Variants in TSHZ3 observed in about 807,000 individuals in gnomAD.
TSHZ3 encodes teashirt homolog 3.
TSHZ3 carries 10 observed loss-of-function variants against 64.5 expected under a neutral mutation model. The ratio of observed to expected loss-of-function variants is 0.16; its 90% CI spans 0.10 to 0.26. The LOEUF (loss-of-function observed/expected upper bound fraction) is 0.26, where lower values mean the gene tolerates loss of function less well. Among genes scored for constraint, TSHZ3 ranks in the 10% least tolerant of loss-of-function variants. The probability of loss-of-function intolerance (pLI) is 1.00; values close to 1 mark genes in which losing one functional copy is unlikely to be tolerated. For missense variants in TSHZ3, 1,242 were observed against 1,421.7 expected (o/e 0.87, Z 2.03); for synonymous variants, 608 against 593.1 (o/e 1.03, Z -0.36).
At chr19:31,150,980 C>CT (rs1351883628) in exon 7 of TSHZ3, among the ~76,000 whole-genome samples, 2 of 152,168 alleles carry the variant, frequency 1.3e-5, no homozygotes, top group Non-Finnish European at 2.9e-5. Context: ...TTCTTCTTGG[C>CT]TTCTGAAGAT....
chr19:31,236,769 C>A (rs1354693736), intron 3 of TSHZ3, among the ~76,000 whole-genome samples: 1 of 152,180 alleles, frequency 6.6e-6, no homozygotes. Context: ...GCAATAAGTT[C>A]TTGGCTATGA....
At chr19:31,339,458 C>T (rs1370406218) in intron 1 of TSHZ3, among the ~76,000 whole-genome samples, 1 of 152,096 alleles carries the variant, frequency 6.6e-6, no homozygotes, top group Non-Finnish European at 1.5e-5. Context: ...GCCAAATCAG[C>T]AGAGCTCCCT....
At chr19:31,246,491 C>T (rs1401550267) in intron 1 of TSHZ3, among the ~76,000 whole-genome samples, 1 of 152,052 alleles carries the variant, frequency 6.6e-6, no homozygotes, top group Admixed American at 6.5e-5. Flanking sequence ...CCAGGTTTCT[C>T]ATTGTTGGAG....
chr19:31,181,399 G>A (rs1436451456), intron 5 of TSHZ3, among the ~76,000 whole-genome samples: 3 of 152,090 alleles, frequency 2.0e-5, no homozygotes, highest in Non-Finnish European at 4.4e-5. Context: ...ATCTGTTTTG[G>A]AAGATGTACC....
Position 31,256,107 on chromosome 19 carries a change from G to A in TSHZ3, n.64-13232C>T, listed in dbSNP as rs546449842. Among the ~76,000 whole-genome samples the A allele has an allele frequency of 5.9e-5, 9 of 152,192 alleles. No homozygotes were observed. In the South Asian group the frequency reaches 1.2e-3, roughly 21 times the overall value. On this transcript the variant is annotated intron_variant and non_coding_transcript_variant, in intron 1 of 6. Transcript: ENST00000651361. ...CTTGGTCCCCATGTTCACCCTCCCC[G>A]AGGCTCACTTTCTCCCCTTCTGTGA...
At position 31,314,866 on chromosome 19, in the gene TSHZ3, T is replaced by C. The variant is rs141907550; in HGVS notation, c.40+34314A>G. Among the ~76,000 whole-genome samples the C allele has an allele frequency of 4.6e-4, 70 of 152,318 alleles. No individual in the cohort carries two copies. In the East Asian group the frequency reaches 0.013, roughly 29 times the overall value. Reference sequence around the variant, plus strand: ...CAGCTCCAGGGGAAGGCTCAGCTCATGGCCCCTGGGAGAAGCCAGGCTCCT... The same window carrying C: ...CAGCTCCAGGGGAAGGCTCAGCTCACGGCCCCTGGGAGAAGCCAGGCTCCT... On this transcript the variant is annotated intron_variant, in intron 1 of 1. Coordinates refer to ENST00000240587, the MANE Select transcript of TSHZ3 (RefSeq NM_020856.4).
intron 1 of TSHZ3, among the ~76,000 whole-genome samples, chr19:31,324,283 C>T (rs975316510): frequency 2.0e-5 from 3 of 152,190 alleles, no homozygotes; most frequent in Non-Finnish European, 2.9e-5. Context: ...TCATTTTTAA[C>T]GTTTACAATT....
intron 6 of TSHZ3, among the ~76,000 whole-genome samples, chr19:31,151,895 A>C (rs747443827): frequency 1.3e-5 from 2 of 152,350 alleles, no homozygotes; most frequent in South Asian, 2.1e-4. Flanking sequence ...TAATGATGTA[A>C]GCTAACAATG....
chr19:31,175,028 G>A (rs1398493110), intron 5 of TSHZ3, among the ~76,000 whole-genome samples: 2 of 152,214 alleles, frequency 1.3e-5, no homozygotes, highest in Non-Finnish European at 2.9e-5. Flanking sequence ...GCGGGTCCCA[G>A]GCTGGGCTTT....
chr19:31,211,476 C>T (rs1217564418), intron 4 of TSHZ3, among the ~76,000 whole-genome samples: 3 of 152,156 alleles, frequency 2.0e-5, no homozygotes, highest in Non-Finnish European at 2.9e-5. Context: ...GGATGCATGA[C>T]TGTGGGCTCC....
At position 31,344,368 on chromosome 19, in the gene TSHZ3, C is replaced by T. The variant is rs1408303461; in HGVS notation, c.40+4812G>A. The stretch of plus-strand genomic sequence containing the variant: ...CTGGACACTAACACAGAAGGGTAGA[C>T]ACACACACCCTACTTTATTTCATTT... On this transcript the variant is annotated intron_variant, in intron 1 of 1. Coordinates refer to ENST00000240587, the MANE Select transcript of TSHZ3 (RefSeq NM_020856.4). 3.9e-5 allele frequency among the ~76,000 whole-genome samples: 6 copies of T among 152,342 alleles called. No individual in the cohort carries two copies. In the East Asian group the frequency reaches 9.6e-4, roughly 24 times the overall value.
chr19:31,268,110 G>A lies in TSHZ3; in HGVS notation n.64-25235C>T, dbSNP rs571334126. 3.9e-5 allele frequency among the ~76,000 whole-genome samples: 6 copies of A among 152,194 alleles called. No homozygotes were observed. In the East Asian group the frequency reaches 1.2e-3, roughly 30 times the overall value. ...AGATTTGATGGTTTTATAAATGGGAGTTCCCCTGCCCATGCTGTCTTGCCT... is the reference window on the plus strand; with the variant it reads ...AGATTTGATGGTTTTATAAATGGGAATTCCCCTGCCCATGCTGTCTTGCCT... On this transcript the variant is annotated intron_variant and non_coding_transcript_variant, in intron 1 of 6. Transcript: ENST00000651361.
chr19:31,228,430 G>T (rs1232524503), intron 3 of TSHZ3, among the ~76,000 whole-genome samples: 2 of 151,722 alleles, frequency 1.3e-5, no homozygotes, highest in African/African-American at 2.4e-5. Context: ...AGAGGCTGAG[G>T]GGGGAGGATC....
intron 1 of TSHZ3, among the ~76,000 whole-genome samples, chr19:31,257,443 G>A (rs1975926015): frequency 1.3e-5 from 2 of 152,242 alleles, no homozygotes; most frequent in Admixed American, 6.5e-5. Flanking sequence ...GATGAGGGAA[G>A]GAGGGGCAAA....
intron 1 of TSHZ3, among the ~76,000 whole-genome samples, chr19:31,263,071 A>G (rs1436731827): frequency 6.6e-6 from 1 of 152,124 alleles, no homozygotes; most frequent in Non-Finnish European, 1.5e-5. Flanking sequence ...ATCTTGGGTG[A>G]GCAGAAATGA....
chr19:31,306,393 G>C (rs1274557512), intron 1 of TSHZ3, among the ~76,000 whole-genome samples: 1 of 152,184 alleles, frequency 6.6e-6, no homozygotes, highest in Non-Finnish European at 1.5e-5. Context: ...CTTTGACATA[G>C]TGTCTCCGTT....
chr19:31,177,839 T>C (rs1357791268), intron 5 of TSHZ3, among the ~76,000 whole-genome samples: 1 of 152,200 alleles, frequency 6.6e-6, no homozygotes, highest in Non-Finnish European at 1.5e-5. Context: ...CCCCATTTTA[T>C]AGCACTGCGC....
Position 31,342,418 on chromosome 19 carries a change from A to G in TSHZ3, c.40+6762T>C, listed in dbSNP as rs546340644. 3.4e-4 allele frequency among the ~76,000 whole-genome samples: 52 copies of G among 152,330 alleles called. 1 individual carries two copies. Among genetic ancestry groups the G allele is most frequent in the African/African-American group, 1.3e-3 (52 of 41,572 alleles). Reference sequence around the variant, plus strand: ...AAATCAATTTAATTTTTTAAGTGTAAATCTTTAAAAGGTGCTGGTTAATCC... The same window carrying G: ...AAATCAATTTAATTTTTTAAGTGTAGATCTTTAAAAGGTGCTGGTTAATCC... On this transcript the variant is annotated intron_variant, in intron 1 of 1. Coordinates refer to ENST00000240587, the MANE Select transcript of TSHZ3 (RefSeq NM_020856.4).
chr19:31,276,470 A>AAC lies in TSHZ3; in HGVS notation c.*76_*77insGT. The AAC allele has an allele frequency of 7.4e-7, 1 of 1,357,010 alleles. No individual in the cohort carries two copies. The highest frequency in any genetic ancestry group is 1.4e-5 in the South Asian group (1 of 69,450). 84.1% of individuals were successfully genotyped at this position (1,357,010 alleles called of 1,614,324 possible). On this transcript the variant is annotated 3_prime_UTR_variant, in exon 2 of 2. Transcript: ENST00000240587. ...AATAAGAACATGTGCCAAGAACAAC[A>AAC]AGTCAGAGGGGGCCTGAAGGTGCCT...
Sources: allele counts gnomAD v4.1 joint callset (sites outside exome capture counted in the v4.1 genomes callset), GRCh38; gene constraint gnomAD v4.1.1; transcripts MANE v1.5; gene names NCBI Gene and HGNC (gene_info 2026-07-23, HGNC 2026-07-21).